The following SV2B variants were observed in gnomAD, a reference collection of about 807,000 sequenced individuals.
SV2B encodes synaptic vesicle glycoprotein 2B, also known as solute carrier family 22 member B2.
In SV2B, 41 loss-of-function variants were observed where a neutral mutation model predicts 73.9. The observed-to-expected ratio is 0.56, with a 90% confidence interval of 0.43 to 0.72. The LOEUF (loss-of-function observed/expected upper bound fraction) is 0.72. SV2B is among the 30% of genes least tolerant of loss of function. The probability of loss-of-function intolerance (pLI) is 0.00; values close to 1 mark genes in which losing one functional copy is unlikely to be tolerated. For missense variants in SV2B, 764 were observed against 857.8 expected (o/e 0.89, Z 1.37); for synonymous variants, 314 against 314.2 (o/e 1.00, Z 0.01).
rs1314221863 is a variant in SV2B at position 91,197,700 on chromosome 15, ATGT to A, written c.-391-28169_-391-28167del. Among the ~76,000 whole-genome samples, 2 of 152,156 alleles carry A rather than the reference ATGT, an allele frequency of 1.3e-5. No homozygotes were observed. The highest frequency in any genetic ancestry group is 1.9e-4 in the East Asian group (1 of 5,186). Reference sequence around the variant, plus strand: ...GTTACAGCAAAATCTCTAAAATATAATGTTGTGCTAAAAAGCAAGGATACTTGC... The same window carrying A: ...GTTACAGCAAAATCTCTAAAATATAATGTGCTAAAAAGCAAGGATACTTGC... On this transcript the variant is annotated intron_variant, in intron 1 of 12. Transcript: ENST00000394232. This position sits in a 1 kb window ranked among gnomAD's most constrained non-coding sequence, Gnocchi z 4.9.
intron 9 of SV2B, among the ~76,000 whole-genome samples, chr15:91,276,013 T>TTC (rs1253221428): frequency 6.6e-6 from 1 of 152,104 alleles, no homozygotes; most frequent in Non-Finnish European, 1.5e-5. Flanking sequence ...GATCTGTTTC[T>TTC]TCTCTTCAAT....
intron 1 of SV2B, among the ~76,000 whole-genome samples, chr15:91,211,689 A>T (rs1399701273): frequency 6.6e-6 from 1 of 151,288 alleles, no homozygotes; most frequent in East Asian, 1.9e-4. Flanking sequence ...TTTTTAGTAG[A>T]GACAGGGTTT....
At chr15:91,216,986 C>A (rs894775596) in intron 1 of SV2B, among the ~76,000 whole-genome samples, 3 of 149,926 alleles carry the variant, frequency 2.0e-5, no homozygotes, top group African/African-American at 7.4e-5. Flanking sequence ...CTCCCAGGTT[C>A]AAGTGATTCT....
Position 91,258,447 on chromosome 15 carries a change from T to G in SV2B, c.811T>G (p.Tyr271Asp). 2 of 1,614,140 alleles carry G rather than the reference T, an allele frequency of 1.2e-6. No individual in the cohort carries two copies. The highest frequency in any genetic ancestry group is 1.1e-5 in the South Asian group (1 of 91,066). The change falls in exon 5 of 13, where the codon TAC becomes GAC. Residue 271 changes from tyrosine to aspartate, a missense_variant. Tyr to Asp is a radical substitution (Grantham distance 160). Coordinates refer to ENST00000394232, the MANE Select transcript of SV2B (RefSeq NM_001323032.3). The surrounding 1 kb of genome is among the most constrained non-coding windows in gnomAD (Gnocchi z 4.7). The part of the protein sequence containing the change: ...YGWGFSMGTN[Y>D]HFHSWRVFVI... ...CTGGGGCTTCAGCATGGGGACCAAT[T>G]ACCACTTCCATAGCTGGAGAGTGTT... is the stretch of plus-strand genomic sequence containing the variant.
intron 9 of SV2B, among the ~76,000 whole-genome samples, chr15:91,273,280 TA>T (rs1378507099): frequency 6.6e-6 from 1 of 152,200 alleles, no homozygotes; most frequent in Non-Finnish European, 1.5e-5. Context: ...TTTGATTGTT[TA>T]ATAACAAGCT....
chr15:91,204,003 G>T (rs756184368), intron 1 of SV2B, among the ~76,000 whole-genome samples: 2 of 152,192 alleles, frequency 1.3e-5, no homozygotes, highest in Admixed American at 1.3e-4. Context: ...AACTTGTTCA[G>T]TTCTGATCAG....
At chr15:91,166,932 G>C (rs1346643069) in intron 1 of SV2B, among the ~76,000 whole-genome samples, 1 of 151,666 alleles carries the variant, frequency 6.6e-6, no homozygotes, top group Non-Finnish European at 1.5e-5. Flanking sequence ...TCCTGCCTCA[G>C]CCTCCCAAGT....
At chr15:91,230,854 T>G (rs1290522158) in intron 2 of SV2B, among the ~76,000 whole-genome samples, 1 of 152,164 alleles carries the variant, frequency 6.6e-6, no homozygotes, top group Non-Finnish European at 1.5e-5. Flanking sequence ...GACATAATCA[T>G]GCAATGCAAC....
intron 1 of SV2B, among the ~76,000 whole-genome samples, chr15:91,211,801 CTTTTTTTT>C (rs775815258): frequency 1.9e-5 from 2 of 106,004 alleles, no homozygotes; most frequent in African/African-American, 4.0e-5. Flanking sequence ...CTCGCCTGGG[CTTTTTTTT>C]TTTTTTTTTT....
In SV2B at chr15:91,236,684, C is replaced by G. The variant is rs939502845; in HGVS notation, c.451+9970C>G. ...AACAAGCAAGCAAACATATACTCCC[C>G]GTAGAACCAAAACCTCCATGCCATT... On this transcript the variant is annotated intron_variant, in intron 2 of 12. Coordinates refer to ENST00000394232, the MANE Select transcript of SV2B (RefSeq NM_001323032.3). The surrounding 1 kb of genome is among the most constrained non-coding windows in gnomAD (Gnocchi z 4.1). Among the ~76,000 whole-genome samples, 1 of 152,128 alleles carries G rather than the reference C, an allele frequency of 6.6e-6. No individual in the cohort carries two copies. Among genetic ancestry groups the G allele is most frequent in the African/African-American group, 2.4e-5 (1 of 41,422 alleles).
At chr15:91,243,711 G>A (rs1037394161) in intron 2 of SV2B, among the ~76,000 whole-genome samples, 2 of 152,156 alleles carry the variant, frequency 1.3e-5, no homozygotes, top group Non-Finnish European at 2.9e-5. Context: ...GCCAGGCAAA[G>A]TCTTTAGTTT....
intron 2 of SV2B, among the ~76,000 whole-genome samples, chr15:91,243,969 G>C (rs890245487): frequency 3.9e-5 from 6 of 152,200 alleles, no homozygotes; most frequent in Non-Finnish European, 7.3e-5. Context: ...TCCTCAGGCA[G>C]AGTGACAAAT....
intron 1 of SV2B, among the ~76,000 whole-genome samples, chr15:91,125,348 A>G (rs963133623): frequency 1.7e-4 from 26 of 152,154 alleles, no homozygotes; most frequent in Non-Finnish European, 2.4e-4. Context: ...TGTGCCGGGT[A>G]CTGCACTCAT....
rs147484857 is a variant in SV2B at position 91,136,067 on chromosome 15, A to G, written c.-392+35704A>G. ...TGAAAATAATATAAAGTTAGATATG[A>G]AGATAATATAAACCATAACATTCTG... On this transcript the variant is annotated intron_variant, in intron 1 of 12. Transcript: ENST00000394232. This position sits in a 1 kb window ranked among gnomAD's most constrained non-coding sequence, Gnocchi z 5.6. Among the ~76,000 whole-genome samples, 599 of 152,248 alleles carry G rather than the reference A, an allele frequency of 3.9e-3. 7 individuals are homozygous for G. Among genetic ancestry groups the G allele is most frequent in the African/African-American group, 0.013 (558 of 41,528 alleles).
intron 1 of SV2B, among the ~76,000 whole-genome samples, chr15:91,209,107 G>GTTTTTTTTTTTTTTTTT (rs1362781398): frequency 8.2e-6 from 1 of 121,952 alleles, no homozygotes; most frequent in African/African-American, 3.7e-5. Context: ...TGGCAGTACT[G>GTTTTTTTTTTTTTTTTT]TTTTTTGTTT....
chr15:91,299,213 A>G lies in SV2B; in HGVS notation c.*6661A>G, dbSNP rs2049356502. The G allele has an allele frequency of 6.6e-6, 1 of 152,222 alleles. No individual in the cohort carries two copies. The highest frequency in any genetic ancestry group is 2.1e-4 in the South Asian group (1 of 4,828). The allele number at this position is 152,222 out of a possible 1,614,324, so 9.4% of individuals were successfully genotyped here. A position where few individuals can be genotyped will look rare whatever the true frequency, so the allele number is the denominator to read the frequency against. On this transcript the variant is annotated 3_prime_UTR_variant, in exon 13 of 13. Transcript: ENST00000394232. The stretch of plus-strand genomic sequence containing the variant: ...CCAGAAAAATTAGATATTGGACTCT[A>G]TCACAAAGGAATTGCATAAAAATAC...
At chr15:91,181,847 C>T (rs2141318762) in intron 1 of SV2B, among the ~76,000 whole-genome samples, 1 of 151,782 alleles carries the variant, frequency 6.6e-6, no homozygotes, top group Middle Eastern at 3.4e-3. Context: ...GGCATCTGGT[C>T]TCTTGAAACC....
In SV2B at chr15:91,268,348, T is replaced by G; in HGVS notation, c.1209-93T>G. 9 of 1,222,932 alleles carry G rather than the reference T, an allele frequency of 7.4e-6. No individual in the cohort carries two copies. The highest frequency in any genetic ancestry group is 1.0e-5 in the Non-Finnish European group (9 of 900,540). 75.8% of individuals were successfully genotyped at this position (1,222,932 alleles called of 1,614,324 possible). A position where few individuals can be genotyped will look rare whatever the true frequency, so the allele number is the denominator to read the frequency against. On this transcript the variant is annotated intron_variant, in intron 8 of 12. Coordinates refer to ENST00000394232, the MANE Select transcript of SV2B (RefSeq NM_001323032.3). This position sits in a 1 kb window ranked among gnomAD's most constrained non-coding sequence, Gnocchi z 4.4. ...ATGAACCAAATTAATGTATTTTCAA[T>G]GAGTTTGATCTGCATCAAGTCAAGA... is the stretch of plus-strand genomic sequence containing the variant.
Position 91,141,204 on chromosome 15 carries a change from C to T in SV2B, c.-392+40841C>T, listed in dbSNP as rs139380040. On this transcript the variant is annotated intron_variant, in intron 1 of 12. Transcript: ENST00000394232. The surrounding 1 kb of genome is among the most constrained non-coding windows in gnomAD (Gnocchi z 4.6). The stretch of plus-strand genomic sequence containing the variant: ...TAGGTCTGCATTGAGGCCTGAGAAA[C>T]TCCAATTTTGGCAGGGTTCTTAGGG... Among the ~76,000 whole-genome samples the T allele has an allele frequency of 7.9e-3, 1,205 of 152,310 alleles. 20 individuals carry two copies. Among genetic ancestry groups the T allele is most frequent in the African/African-American group, 0.028 (1,159 of 41,560 alleles).
Sources: allele counts gnomAD v4.1 joint callset (sites outside exome capture counted in the v4.1 genomes callset), GRCh38; gene constraint gnomAD v4.1.1; non-coding constraint Gnocchi (gnomAD v3.1); transcripts MANE v1.5; gene names NCBI Gene and HGNC (gene_info 2026-07-23, HGNC 2026-07-21).